ZNF704: variants seen among roughly 807,000 people sequenced by gnomAD.
ZNF704 encodes the protein glucocorticoid induced gene 1.
Under a neutral mutation model 44.7 loss-of-function variants are expected in ZNF704, and 10 were observed. The observed-to-expected ratio is 0.22, with a 90% CI of 0.14 to 0.38. The LOEUF (loss-of-function observed/expected upper bound fraction) is 0.38. Ranked by LOEUF, ZNF704 falls within the 10% of genes least tolerant of loss-of-function variation. The pLI is 1.00. For synonymous variants in ZNF704, 211 were observed against 207.6 expected (o/e 1.02, Z -0.14); for missense variants, 390 against 545.5 (o/e 0.71, Z 2.84).
intron 1 of ZNF704, among the ~76,000 whole-genome samples, chr8:80,860,377 C>T (rs1286042646): frequency 6.6e-6 from 1 of 152,166 alleles, no homozygotes; most frequent in East Asian, 1.9e-4. Flanking sequence ...CCAGTCTTTC[C>T]AAAATCAACC....
intron 1 of ZNF704, among the ~76,000 whole-genome samples, chr8:80,872,105 C>G (rs1466014473): frequency 1.3e-5 from 2 of 152,160 alleles, no homozygotes; most frequent in Non-Finnish European, 2.9e-5. Flanking sequence ...TATTTCTGGA[C>G]AAAAATGCTA....
chr8:80,675,360 G>A (rs1259516389), intron 4 of ZNF704, among the ~76,000 whole-genome samples: 1 of 152,226 alleles, frequency 6.6e-6, no homozygotes, highest in African/African-American at 2.4e-5. Context: ...CAGAAGCAGG[G>A]TCAGATCATG....
intron 1 of ZNF704, among the ~76,000 whole-genome samples, chr8:80,870,208 C>T (rs573537052): frequency 6.6e-6 from 1 of 152,320 alleles, no homozygotes; most frequent in South Asian, 2.1e-4. Context: ...TAATTTGTTA[C>T]ACTACACTAC....
At chr8:80,787,874 A>G (rs1030362879) in intron 2 of ZNF704, among the ~76,000 whole-genome samples, 8 of 152,354 alleles carry the variant, frequency 5.3e-5, no homozygotes, top group Admixed American at 2.6e-4. Flanking sequence ...ATTATCTTGT[A>G]TAAAATCTTA....
At chr8:80,765,938 A>G (rs1465627776) in intron 2 of ZNF704, among the ~76,000 whole-genome samples, 1 of 152,190 alleles carries the variant, frequency 6.6e-6, no homozygotes, top group Non-Finnish European at 1.5e-5. Flanking sequence ...TCTACCAAGC[A>G]ATAATTCATT....
chr8:80,795,115 G>A (rs1037216797), intron 2 of ZNF704, among the ~76,000 whole-genome samples: 19 of 152,212 alleles, frequency 1.2e-4, no homozygotes, highest in East Asian at 3.9e-4. Context: ...TCACACAAGC[G>A]CACACACAGA....
chr8:80,709,484 C>T (rs1818950543), intron 2 of ZNF704, among the ~76,000 whole-genome samples: 1 of 134,270 alleles, frequency 7.4e-6, no homozygotes, highest in Non-Finnish European at 1.6e-5. Flanking sequence ...GCAGTAATGG[C>T]ATGTCAGTTT....
chr8:80,680,581 T>C (rs1035350558), intron 4 of ZNF704, among the ~76,000 whole-genome samples: 10 of 152,070 alleles, frequency 6.6e-5, no homozygotes, highest in Admixed American at 2.0e-4. Flanking sequence ...CAATGGCTCT[T>C]TCAGGGTCAA....
intron 4 of ZNF704, among the ~76,000 whole-genome samples, chr8:80,684,354 C>A (rs1484615572): frequency 2.0e-5 from 3 of 152,126 alleles, no homozygotes; most frequent in African/African-American, 7.2e-5. Flanking sequence ...CAATACTTAT[C>A]CTTATTATGT....
At chr8:80,660,062 G>A (rs913570808) in intron 6 of ZNF704, among the ~76,000 whole-genome samples, 30 of 152,120 alleles carry the variant, frequency 2.0e-4, no homozygotes, top group Non-Finnish European at 4.0e-4. Context: ...GTTCTTGGAA[G>A]GTAATTTGAC....
chr8:80,672,204 A>G (rs1181008821), intron 4 of ZNF704, among the ~76,000 whole-genome samples: 1 of 152,224 alleles, frequency 6.6e-6, no homozygotes, highest in African/African-American at 2.4e-5. Flanking sequence ...ATGCAAATGA[A>G]AACCACAATG....
At chr8:80,823,569 G>A (rs921756121) in intron 1 of ZNF704, among the ~76,000 whole-genome samples, 11 of 152,218 alleles carry the variant, frequency 7.2e-5, no homozygotes, top group African/African-American at 1.9e-4. Context: ...TTTGAAGAGA[G>A]TAGTGGTGCT....
At chr8:80,790,645 G>C (rs1487932111) in intron 2 of ZNF704, among the ~76,000 whole-genome samples, 3 of 152,158 alleles carry the variant, frequency 2.0e-5, no homozygotes, top group African/African-American at 7.2e-5. Flanking sequence ...AGAGCGGGAG[G>C]TGGGAATAGG....
intron 7 of ZNF704, among the ~76,000 whole-genome samples, chr8:80,646,298 G>A (rs1156237786): frequency 6.6e-6 from 1 of 152,040 alleles, no homozygotes; most frequent in African/African-American, 2.4e-5. Flanking sequence ...TGGGCAACAT[G>A]GTGAAACCCC....
intron 2 of ZNF704, among the ~76,000 whole-genome samples, chr8:80,788,973 T>A (rs1281424822): frequency 1.3e-5 from 2 of 152,190 alleles, no homozygotes; most frequent in Non-Finnish European, 2.9e-5. Flanking sequence ...ATCGACTGTA[T>A]TTGGGTAAAT....
At chr8:80,798,448 T>C (rs1389499351) in intron 2 of ZNF704, among the ~76,000 whole-genome samples, 1 of 152,080 alleles carries the variant, frequency 6.6e-6, no homozygotes, top group African/African-American at 2.4e-5. Flanking sequence ...AGAGACAGGG[T>C]TTCTCCATGT....
chr8:80,763,685 T>G (rs558510289), intron 2 of ZNF704, among the ~76,000 whole-genome samples: 2 of 152,334 alleles, frequency 1.3e-5, no homozygotes, highest in South Asian at 4.1e-4. Context: ...CGGCTCCTCA[T>G]TACCTATGTA....
At chr8:80,687,804 G>A (rs185211270) in intron 3 of ZNF704, among the ~76,000 whole-genome samples, 152 of 152,220 alleles carry the variant, frequency 1.0e-3, no homozygotes, top group African/African-American at 3.3e-3. Context: ...TGGGTTTATC[G>A]ACTACAGTAT....
chr8:80,771,540 T>A (rs1807320131), intron 2 of ZNF704, among the ~76,000 whole-genome samples: 2 of 152,198 alleles, frequency 1.3e-5, no homozygotes, highest in African/African-American at 4.8e-5. Context: ...ATTTTTGTGT[T>A]TATTTTGTAT....
Sources: allele counts gnomAD v4.1 joint callset (sites outside exome capture counted in the v4.1 genomes callset), GRCh38; gene constraint gnomAD v4.1.1; transcripts MANE v1.5; gene names NCBI Gene and HGNC (gene_info 2026-07-23, HGNC 2026-07-21).